PCSK5: variants seen among roughly 807,000 people sequenced by gnomAD.
PCSK5 encodes prohormone convertase 5.
PCSK5 carries 129 observed loss-of-function variants against 233.2 expected under a neutral mutation model. The ratio of observed to expected loss-of-function variants is 0.55; its 90% CI spans 0.48 to 0.64. PCSK5 has a LOEUF of 0.64. Ranked by LOEUF, PCSK5 falls within the 30% of genes least tolerant of loss-of-function variation. PCSK5 has a pLI of 0.00. For missense variants in PCSK5, 2,076 were observed against 2,430.1 expected (o/e 0.85, Z 3.06); for synonymous variants, 825 against 879.2 (o/e 0.94, Z 1.09).
chr9:76,287,782 C>T (rs373341472), intron 24 of PCSK5: 136 of 197,500 alleles, frequency 6.9e-4, no homozygotes, highest in African/African-American at 2.9e-3. Flanking sequence ...TTAAAGACAA[C>T]GCAGCATCAC....
chr9:75,895,266 T>C (rs1825760506), intron 1 of PCSK5, among the ~76,000 whole-genome samples: 1 of 152,164 alleles, frequency 6.6e-6, no homozygotes, highest in Non-Finnish European at 1.5e-5. Context: ...ATCTGTAAAA[T>C]GATAAATCTC....
At chr9:75,964,993 G>C (rs1425544337) in intron 2 of PCSK5, among the ~76,000 whole-genome samples, 1 of 152,156 alleles carries the variant, frequency 6.6e-6, no homozygotes, top group Non-Finnish European at 1.5e-5. Context: ...CCAGAGGCAG[G>C]CCTGAGGGGG....
In PCSK5 at chr9:76,228,775, C is replaced by T. The variant is rs71509857; in HGVS notation, c.2729+1170C>T. ...GTGATGAGGCTGCTCCAGTGGCAGG[C>T]GCTTTGCATCTCTGGGATGGACATG... On this transcript the variant is annotated intron_variant, in intron 21 of 37. Coordinates refer to ENST00000674117, the MANE Select transcript of PCSK5 (RefSeq NM_001372043.1). Among the ~76,000 whole-genome samples, 479 of 152,226 alleles carry T rather than the reference C, an allele frequency of 3.1e-3. 2 individuals are homozygous for T. The highest frequency in any genetic ancestry group is 4.3e-3 in the Admixed American group (66 of 15,294).
At chr9:76,236,422 T>C (rs1171763235) in intron 22 of PCSK5, among the ~76,000 whole-genome samples, 4 of 152,192 alleles carry the variant, frequency 2.6e-5, no homozygotes, top group East Asian at 3.8e-4. Context: ...ATTATCCCAT[T>C]TGAACTCTTG....
chr9:76,313,097 C>T (rs550241150), intron 30 of PCSK5, among the ~76,000 whole-genome samples: 1 of 152,294 alleles, frequency 6.6e-6, no homozygotes, highest in South Asian at 2.1e-4. Flanking sequence ...TATCCACTTA[C>T]TATTATTTTC....
At chr9:75,943,742 G>A (rs531214066) in intron 2 of PCSK5, among the ~76,000 whole-genome samples, 4 of 152,270 alleles carry the variant, frequency 2.6e-5, no homozygotes, top group African/African-American at 9.6e-5. Flanking sequence ...ACAGTGTAAT[G>A]CAATATAATG....
intron 37 of PCSK5, 106 bp from the exon 38 acceptor site, chr9:76,358,406 AT>A: frequency 7.1e-6 from 6 of 842,030 alleles, no homozygotes; most frequent in Non-Finnish European, 1.1e-5. Context: ...ACCATTTTCA[AT>A]TTTTAAAATA....
intron 35 of PCSK5, among the ~76,000 whole-genome samples, chr9:76,339,764 C>T (rs1422204618): frequency 3.3e-5 from 5 of 152,008 alleles, no homozygotes; most frequent in African/African-American, 1.2e-4. Context: ...AGGCTGGTCT[C>T]GAACTCCTGA....
At chr9:76,014,980 G>C (rs1827887928) in intron 3 of PCSK5, among the ~76,000 whole-genome samples, 1 of 152,102 alleles carries the variant, frequency 6.6e-6, no homozygotes, top group African/African-American at 2.4e-5. Flanking sequence ...GAGAGGGAGA[G>C]ACAGAGATTT....
chr9:76,033,595 AT>A (rs1185814040), intron 5 of PCSK5, among the ~76,000 whole-genome samples: 1 of 152,140 alleles, frequency 6.6e-6, no homozygotes, highest in Non-Finnish European at 1.5e-5. Context: ...AAAAAAAAAA[AT>A]CTGACACTTT....
At chr9:76,348,415 C>T (rs1419800133) in intron 35 of PCSK5, among the ~76,000 whole-genome samples, 2 of 151,798 alleles carry the variant, frequency 1.3e-5, no homozygotes, top group East Asian at 3.9e-4. Flanking sequence ...TGTCTAAAAA[C>T]AAAACTAAAG....
Position 76,358,860 on chromosome 9 carries a change from C to T in PCSK5, c.5602C>T (p.Leu1868=), listed in dbSNP as rs759566214. 3.7e-6 allele frequency: 6 copies of T among 1,612,852 alleles called. No individual in the cohort carries two copies. The highest frequency in any genetic ancestry group is 1.6e-4 in the Middle Eastern group (1 of 6,062). The change falls in exon 38 of 38, where the codon CTG becomes TTG. Residue 1868 remains leucine, a synonymous_variant. Coordinates refer to ENST00000674117, the MANE Select transcript of PCSK5 (RefSeq NM_001372043.1). ...TVYRKFKYGL[L]DDDDIDELEY... ...CTACCGGAAATTTAAATATGGGCTG[C>T]TGGATGACGATGACATAGATGAGCT...
chr9:76,239,705 A>G (rs574852527), intron 23 of PCSK5, among the ~76,000 whole-genome samples: 2 of 128,644 alleles, frequency 1.6e-5, no homozygotes, highest in South Asian at 2.3e-4. Flanking sequence ...CAAAAAAAAA[A>G]AAAAAGAAAA....
intron 10 of PCSK5, among the ~76,000 whole-genome samples, chr9:76,142,008 A>G (rs1034899374): frequency 2.0e-5 from 3 of 152,110 alleles, no homozygotes; most frequent in African/African-American, 7.2e-5. Context: ...AAAGAGGAGC[A>G]GGAAAAATAA....
chr9:76,069,981 C>G (rs17061978), intron 6 of PCSK5, among the ~76,000 whole-genome samples: 2 of 149,752 alleles, frequency 1.3e-5, no homozygotes, highest in East Asian at 4.0e-4. Context: ...GACAAACTTT[C>G]CAATTTCCAT....
chr9:76,230,119 A>T (rs1405398522), intron 21 of PCSK5, among the ~76,000 whole-genome samples: 1 of 152,200 alleles, frequency 6.6e-6, no homozygotes, highest in Non-Finnish European at 1.5e-5. Flanking sequence ...AACTGTGGCC[A>T]TTTGAAATGG....
chr9:75,993,956 A>G (rs2789610), intron 3 of PCSK5, among the ~76,000 whole-genome samples: 40,475 of 152,076 alleles, frequency 0.27, 6,192 homozygotes, highest in East Asian at 0.64. Flanking sequence ...GGTGTTCATA[A>G]TAAACCATAT....
chr9:76,173,816 A>T (rs1456446111), intron 13 of PCSK5, among the ~76,000 whole-genome samples: 1 of 151,980 alleles, frequency 6.6e-6, no homozygotes, highest in Non-Finnish European at 1.5e-5. Context: ...CTACTAAAAA[A>T]TACAAAAATT....
At chr9:75,916,749 G>C (rs1181752553) in intron 1 of PCSK5, among the ~76,000 whole-genome samples, 1 of 152,146 alleles carries the variant, frequency 6.6e-6, no homozygotes, top group African/African-American at 2.4e-5. Flanking sequence ...AGCCAGATAT[G>C]ATAGGCCCTT....
Sources: allele counts gnomAD v4.1 joint callset (sites outside exome capture counted in the v4.1 genomes callset), GRCh38; gene constraint gnomAD v4.1.1; transcripts MANE v1.5; gene names NCBI Gene and HGNC (gene_info 2026-07-23, HGNC 2026-07-21).